The following HPSE2 variants were observed in gnomAD, a reference collection of about 807,000 sequenced individuals.
HPSE2 encodes inactive heparanase-2.
HPSE2 carries 38 observed loss-of-function variants against 60.5 expected under a neutral mutation model. That is an observed-to-expected ratio of 0.63 (90% CI 0.48 to 0.82). HPSE2 has a LOEUF of 0.82. Ranked by LOEUF, HPSE2 falls within the 40% of genes least tolerant of loss-of-function variation. The probability of loss-of-function intolerance (pLI) is 0.00; values close to 1 mark genes in which losing one functional copy is unlikely to be tolerated. For synonymous variants in HPSE2, 295 were observed against 293.2 expected (o/e 1.01, Z -0.06); for missense variants, 713 against 740.4 (o/e 0.96, Z 0.43).
At chr10:98,742,955 T>C (rs1410277215) in intron 4 of HPSE2, among the ~76,000 whole-genome samples, 4 of 142,632 alleles carry the variant, frequency 2.8e-5, no homozygotes, top group African/African-American at 5.2e-5. Context: ...GGGTCTCTTC[T>C]TTTTTTTCCT....
chr10:98,684,343 G>T (rs1014028324), intron 6 of HPSE2, among the ~76,000 whole-genome samples: 1 of 152,114 alleles, frequency 6.6e-6, no homozygotes, highest in Non-Finnish European at 1.5e-5. Context: ...TCTGCATATA[G>T]AAACAGGAGA....
chr10:98,459,770 T>A, intron 11 of HPSE2, 31 bp from the exon 12 acceptor site: 2 of 1,592,878 alleles, frequency 1.3e-6, no homozygotes, highest in South Asian at 2.3e-5. Context: ...ATGGGACTCA[T>A]TATTGCATTA....
intron 3 of HPSE2, among the ~76,000 whole-genome samples, chr10:98,974,824 A>G (rs751589739): frequency 8.5e-5 from 13 of 152,194 alleles, no homozygotes; most frequent in Non-Finnish European, 1.9e-4. Context: ...CATAAGCAAC[A>G]CTAACTAAAG....
rs1428614698 is a variant in HPSE2, at chr10:98,544,692, G to A, written c.1321-54496C>T. ...CGCGCCACTGCACTCCAGCCTGGGCGACAGAGCGAGACTCCGTCTCAAAAA... is the reference window on the plus strand; with the variant it reads ...CGCGCCACTGCACTCCAGCCTGGGCAACAGAGCGAGACTCCGTCTCAAAAA... On this transcript the variant is annotated intron_variant, in intron 9 of 11. Transcript: ENST00000370552. Among the ~76,000 whole-genome samples, 96 of 116,162 alleles carry A rather than the reference G, an allele frequency of 8.3e-4. 2 individuals carry two copies. The East Asian group carries it at 0.02, about 24-fold the overall frequency. 76.2% of individuals were successfully genotyped at this position (116,162 alleles called of 152,430 possible). A position where few individuals can be genotyped will look rare whatever the true frequency, so the allele number is the denominator to read the frequency against.
the HPSE2 span, among the ~76,000 whole-genome samples, chr10:99,289,960 AC>A: frequency 6.6e-6 from 1 of 152,196 alleles, no homozygotes; most frequent in African/African-American, 2.4e-5. Flanking sequence ...CACAGAAGGC[AC>A]CCAATATCTA....
At chr10:99,049,727 A>C (rs1349911481) in intron 3 of HPSE2, among the ~76,000 whole-genome samples, 1 of 152,144 alleles carries the variant, frequency 6.6e-6, no homozygotes. Flanking sequence ...AATTATTAAC[A>C]AATAATAATT....
intron 3 of HPSE2, among the ~76,000 whole-genome samples, chr10:98,833,149 A>G (rs1951720373): frequency 6.6e-6 from 1 of 152,240 alleles, no homozygotes; most frequent in African/African-American, 2.4e-5. Flanking sequence ...ATAGTTAAGA[A>G]TTAGACAGTT....
intron 3 of HPSE2, among the ~76,000 whole-genome samples, chr10:98,778,264 C>CAGAGAGAGAGAGGGAGAGAG (rs1950385585): frequency 8.9e-6 from 1 of 112,654 alleles, no homozygotes; most frequent in Non-Finnish European, 1.8e-5. Flanking sequence ...GAGAGAGAGA[C>CAGAGAGAGAGAGGGAGAGAG]AGAGAGAGAG....
intron 6 of HPSE2, among the ~76,000 whole-genome samples, chr10:98,687,534 C>A (rs1260441406): frequency 6.6e-6 from 1 of 152,156 alleles, no homozygotes; most frequent in Non-Finnish European, 1.5e-5. Context: ...CATCTGCAAC[C>A]TTAATTCCCC....
intron 3 of HPSE2, among the ~76,000 whole-genome samples, chr10:98,805,959 G>A (rs2134548655): frequency 6.6e-6 from 1 of 152,236 alleles, no homozygotes; most frequent in Admixed American, 6.5e-5. Context: ...AATCTATATA[G>A]AGAATGTAAG....
At chr10:98,531,784 C>T (rs1031223879) in intron 9 of HPSE2, among the ~76,000 whole-genome samples, 1 of 152,036 alleles carries the variant, frequency 6.6e-6, no homozygotes, top group African/African-American at 2.4e-5. Context: ...AGGAAGCCCC[C>T]TGGTGACTCT....
chr10:99,180,423 C>A (rs755770251), intron 2 of HPSE2, among the ~76,000 whole-genome samples: 8 of 151,942 alleles, frequency 5.3e-5, no homozygotes, highest in Non-Finnish European at 1.0e-4. Context: ...AAAAAACAAC[C>A]CCATCAAACA....
intron 6 of HPSE2, among the ~76,000 whole-genome samples, chr10:98,686,079 T>C (rs1027495574): frequency 1.3e-5 from 2 of 152,332 alleles, no homozygotes; most frequent in African/African-American, 4.8e-5. Context: ...GTTTTTCACA[T>C]TTGTTAATCT....
intron 2 of HPSE2, among the ~76,000 whole-genome samples, chr10:99,187,746 A>T (rs1487925096): frequency 6.6e-6 from 1 of 152,228 alleles, no homozygotes; most frequent in African/African-American, 2.4e-5. Flanking sequence ...ATAAGCTTTG[A>T]TAAGGATGTG....
intron 2 of HPSE2, among the ~76,000 whole-genome samples, chr10:99,198,900 T>C (rs972227026): frequency 6.6e-6 from 1 of 152,178 alleles, no homozygotes; most frequent in South Asian, 2.1e-4. Context: ...TTCTATTAGT[T>C]TGACTATCTC....
At chr10:99,267,138 T>C in the HPSE2 span, among the ~76,000 whole-genome samples, 73 of 152,140 alleles carry the variant, frequency 4.8e-4, 1 homozygote, top group African/African-American at 1.7e-3. Flanking sequence ...TCACCAGCAA[T>C]GGATCCAAAC....
At chr10:98,766,634 A>T (rs1950124693) in intron 3 of HPSE2, among the ~76,000 whole-genome samples, 1 of 152,204 alleles carries the variant, frequency 6.6e-6, no homozygotes, top group African/African-American at 2.4e-5. Flanking sequence ...ATTCAAAATT[A>T]AATCAATGGG....
At chr10:98,731,315 C>T (rs993497613) in intron 4 of HPSE2, among the ~76,000 whole-genome samples, 2 of 152,004 alleles carry the variant, frequency 1.3e-5, no homozygotes, top group Non-Finnish European at 2.9e-5. Context: ...AAAGACATCA[C>T]AAGAAAACTA....
chr10:99,049,342 AC>A (rs1217219061), intron 3 of HPSE2, among the ~76,000 whole-genome samples: 1 of 152,218 alleles, frequency 6.6e-6, no homozygotes, highest in Non-Finnish European at 1.5e-5. Flanking sequence ...GAGAAAGGGA[AC>A]AGAAAAAATA....
Sources: gnomAD v4.1 joint callset for allele counts (sites outside exome capture counted in the v4.1 genomes callset) on GRCh38, gnomAD v4.1.1 for gene constraint, MANE v1.5 for transcripts, NCBI Gene and HGNC (gene_info 2026-07-23, HGNC 2026-07-21) for gene names.